Variants in JAK2 observed in about 807,000 individuals in gnomAD.
JAK2 encodes Janus kinase 2.
Under a neutral mutation model 139.3 loss-of-function variants are expected in JAK2, and 86 were observed. The ratio of observed to expected loss-of-function variants is 0.62; its 90% CI spans 0.52 to 0.74. The LOEUF is 0.74. Among genes scored for constraint, JAK2 ranks in the 30% least tolerant of loss-of-function variants. JAK2 has a pLI of 0.00. For synonymous variants in JAK2, 490 were observed against 437.7 expected, an observed-to-expected ratio of 1.12 and a Z score of -1.49; for missense variants, 1,421 against 1,360.3, an observed-to-expected ratio of 1.04 and a Z score of -0.70.
At chr9:5,081,985 T>G in intron 19 of JAK2, 124 bp downstream of exon 19, 3 of 777,230 alleles carry the variant, frequency 3.9e-6, no homozygotes. Flanking sequence ...AAGGTTTGGT[T>G]GTCAGATGTT....
chr9:4,988,081 C>G (rs1329948633), intron 2 of JAK2, among the ~76,000 whole-genome samples: 4 of 152,186 alleles, frequency 2.6e-5, no homozygotes, highest in Non-Finnish European at 5.9e-5. Context: ...GTTGCCCCTA[C>G]CAATTATTGT....
At chr9:5,104,530 A>C (rs1197418026) in intron 22 of JAK2, among the ~76,000 whole-genome samples, 1 of 152,230 alleles carries the variant, frequency 6.6e-6, no homozygotes, top group Admixed American at 6.5e-5. Flanking sequence ...AATCAATGGA[A>C]AAAGAGGGAA....
chr9:4,995,303 G>C (rs1235637954), intron 2 of JAK2, among the ~76,000 whole-genome samples: 1 of 152,100 alleles, frequency 6.6e-6, no homozygotes, highest in Non-Finnish European at 1.5e-5. Context: ...GTTTTCCCTA[G>C]GTTGTCTCTT....
intron 9 of JAK2, among the ~76,000 whole-genome samples, chr9:5,065,260 T>C (rs1818487167): frequency 6.6e-6 from 1 of 152,226 alleles, no homozygotes; most frequent in Non-Finnish European, 1.5e-5. Context: ...GTTGTACAAG[T>C]TTAACATTTG....
intron 17 of JAK2, 36 bp downstream of exon 17, chr9:5,080,416 C>G (rs541927596): frequency 6.4e-7 from 1 of 1,557,430 alleles, no homozygotes; most frequent in Non-Finnish European, 8.7e-7. Flanking sequence ...ATTACTCTAT[C>G]TCTGAACTTT....
intron 5 of JAK2, among the ~76,000 whole-genome samples, chr9:5,047,769 T>C (rs78654232): frequency 0.017 from 2,580 of 152,124 alleles, 30 homozygotes; most frequent in Non-Finnish European, 0.027. Flanking sequence ...CTAATTTTTT[T>C]AGTTTTGGTT....
intron 4 of JAK2, among the ~76,000 whole-genome samples, chr9:5,043,034 G>C (rs1222364317): frequency 6.6e-6 from 1 of 152,234 alleles, no homozygotes; most frequent in Non-Finnish European, 1.5e-5. Context: ...GGGCCCTGCT[G>C]TGTGGAGGCG....
At chr9:5,027,375 C>A (rs542506334) in intron 3 of JAK2, among the ~76,000 whole-genome samples, 1 of 152,232 alleles carries the variant, frequency 6.6e-6, no homozygotes, top group Non-Finnish European at 1.5e-5. Context: ...AAAGTACATA[C>A]CTTAATTTAA....
chr9:5,084,139 G>A (rs1487322863), intron 19 of JAK2, among the ~76,000 whole-genome samples: 1 of 152,096 alleles, frequency 6.6e-6, no homozygotes, highest in East Asian at 1.9e-4. Flanking sequence ...AGACTCTAAG[G>A]AAGGCGTTTT....
At chr9:4,997,222 C>T (rs1820624730) in intron 2 of JAK2, among the ~76,000 whole-genome samples, 3 of 151,976 alleles carry the variant, frequency 2.0e-5, no homozygotes, top group African/African-American at 7.3e-5. Flanking sequence ...CTGGAGCCAC[C>T]GCGCATGGCC....
At chr9:5,087,178 G>T (rs188419812) in intron 19 of JAK2, among the ~76,000 whole-genome samples, 1 of 152,178 alleles carries the variant, frequency 6.6e-6, no homozygotes, top group Non-Finnish European at 1.5e-5. Flanking sequence ...AATTTATAAA[G>T]GAAAGAGGTT....
At chr9:5,029,682 T>C (rs1043677905) in intron 3 of JAK2, 101 bp from the exon 4 acceptor site, 1 of 1,078,762 alleles carries the variant, frequency 9.3e-7, no homozygotes, top group Non-Finnish European at 1.3e-6. Flanking sequence ...TTTGTTCCGA[T>C]TTTAAGAGTT....
intron 12 of JAK2, among the ~76,000 whole-genome samples, chr9:5,072,051 C>G (rs559394835): frequency 6.6e-6 from 1 of 152,236 alleles, no homozygotes; most frequent in South Asian, 2.1e-4. Context: ...GAAGAAACCA[C>G]GACAGCTGCA....
intron 4 of JAK2, among the ~76,000 whole-genome samples, chr9:5,039,027 G>A (rs1816294071): frequency 1.3e-5 from 2 of 152,086 alleles, no homozygotes; most frequent in South Asian, 2.1e-4. Flanking sequence ...AAGGGCATCT[G>A]TAAAAAATTC....
chr9:5,083,420 TTGTC>T (rs977069082), intron 19 of JAK2, among the ~76,000 whole-genome samples: 2 of 152,224 alleles, frequency 1.3e-5, no homozygotes, highest in Non-Finnish European at 2.9e-5. Context: ...CATGTTAGTG[TTGTC>T]TGTTATTATC....
chr9:5,105,464 A>C (rs1821876582), intron 22 of JAK2, among the ~76,000 whole-genome samples: 1 of 152,210 alleles, frequency 6.6e-6, no homozygotes, highest in South Asian at 2.1e-4. Context: ...AGGAAGAATC[A>C]ATATCGTGAA....
chr9:5,003,347 T>C (rs1009663123), intron 2 of JAK2, among the ~76,000 whole-genome samples: 2 of 152,056 alleles, frequency 1.3e-5, no homozygotes, highest in Admixed American at 6.5e-5. Flanking sequence ...TGTATTCTTA[T>C]ATCAGCATGG....
At chr9:5,077,207 A>G (rs1178255027) in intron 14 of JAK2, among the ~76,000 whole-genome samples, 1 of 150,280 alleles carries the variant, frequency 6.7e-6, no homozygotes, top group African/African-American at 2.4e-5. Flanking sequence ...GGTATATTAT[A>G]TATTATACAT....
In JAK2 at chr9:5,021,982, C is replaced by G. The variant is rs936564275; in HGVS notation, c.-6C>G. 7 of 1,603,006 alleles carry G rather than the reference C, an allele frequency of 4.4e-6. No individual in the cohort carries two copies. In the Admixed American group the frequency reaches 5.0e-5, roughly 11 times the overall value. On this transcript the variant is annotated 5_prime_UTR_variant, in exon 3 of 25. Transcript: ENST00000381652. ...TTACAGGCAAATGTTCTGAAAAAGA[C>G]TCTGCATGGGAATGGCCTGCCTTAC...
Sources: allele counts gnomAD v4.1 joint callset (sites outside exome capture counted in the v4.1 genomes callset), GRCh38; gene constraint gnomAD v4.1.1; transcripts MANE v1.5; gene names NCBI Gene and HGNC (gene_info 2026-07-23, HGNC 2026-07-21).